GHR: variants seen among roughly 807,000 people sequenced by gnomAD.
The protein encoded by GHR is GH receptor.
In GHR, 35 loss-of-function variants were observed where a neutral mutation model predicts 67.1. The observed-to-expected ratio is 0.52, with a 90% CI of 0.40 to 0.69. The LOEUF (loss-of-function observed/expected upper bound fraction) is 0.69, where lower values mean the gene tolerates loss of function less well. Among genes scored for constraint, GHR ranks in the 30% least tolerant of loss-of-function variants. The pLI, the probability that GHR is intolerant of heterozygous loss-of-function variation, is 0.00. For missense variants in GHR, 792 were observed against 764.6 expected, an observed-to-expected ratio of 1.04 and a Z score of -0.42; for synonymous variants, 272 against 269.1, an observed-to-expected ratio of 1.01 and a Z score of -0.10.
chr5:42,602,904 A>G (rs1386373097), intron 2 of GHR, among the ~76,000 whole-genome samples: 1 of 152,150 alleles, frequency 6.6e-6, no homozygotes, highest in Non-Finnish European at 1.5e-5. Flanking sequence ...TAGTAGAATG[A>G]ACATATTTAC....
chr5:42,534,278 G>A (rs1342770751), intron 1 of GHR, among the ~76,000 whole-genome samples: 1 of 138,694 alleles, frequency 7.2e-6, no homozygotes, highest in Non-Finnish European at 1.5e-5. Flanking sequence ...GTGTATATAT[G>A]TATATATGTA....
chr5:42,582,977 G>A (rs1751268600), intron 2 of GHR, among the ~76,000 whole-genome samples: 1 of 152,218 alleles, frequency 6.6e-6, no homozygotes, highest in South Asian at 2.1e-4. Context: ...CTTGCCCTTG[G>A]CAGGCATGGG....
At chr5:42,438,058 C>T (rs746674057) in intron 1 of GHR, among the ~76,000 whole-genome samples, 18 of 152,250 alleles carry the variant, frequency 1.2e-4, no homozygotes, top group Non-Finnish European at 1.9e-4. Flanking sequence ...TCTTAGAAGG[C>T]AAAGGGCTAT....
chr5:42,478,269 C>T (rs1382613487), intron 1 of GHR, among the ~76,000 whole-genome samples: 1 of 152,146 alleles, frequency 6.6e-6, no homozygotes, highest in Non-Finnish European at 1.5e-5. Context: ...CAGTACCATG[C>T]TGTTTTGGTT....
At chr5:42,508,274 A>G (rs1203847543) in intron 1 of GHR, among the ~76,000 whole-genome samples, 1 of 152,226 alleles carries the variant, frequency 6.6e-6, no homozygotes, top group South Asian at 2.1e-4. Flanking sequence ...TTTCCCAAGG[A>G]AAATAAAATA....
intron 1 of GHR, among the ~76,000 whole-genome samples, chr5:42,538,973 G>T: frequency 6.6e-6 from 1 of 152,052 alleles, no homozygotes; most frequent in East Asian, 1.9e-4. Flanking sequence ...TTATTGCTGA[G>T]ACTTTCCAGA....
At chr5:42,471,870 C>G (rs565222427) in intron 1 of GHR, among the ~76,000 whole-genome samples, 2 of 152,200 alleles carry the variant, frequency 1.3e-5, no homozygotes, top group Non-Finnish European at 2.9e-5. Context: ...AGAACTATAG[C>G]TCTTAAGGGT....
chr5:42,575,553 G>T (rs1363176681), intron 2 of GHR, among the ~76,000 whole-genome samples: 1 of 151,912 alleles, frequency 6.6e-6, no homozygotes, highest in Non-Finnish European at 1.5e-5. Context: ...ATTTTGAGTT[G>T]TCCAGATTAT....
At chr5:42,677,577 G>A (rs1269943471) in intron 3 of GHR, among the ~76,000 whole-genome samples, 1 of 152,114 alleles carries the variant, frequency 6.6e-6, no homozygotes, top group Non-Finnish European at 1.5e-5. Flanking sequence ...TGAACAGTGA[G>A]GGAAATAGCT....
chr5:42,549,440 A>G (rs1362398048), intron 1 of GHR: 3 of 152,322 alleles, frequency 2.0e-5, no homozygotes, highest in African/African-American at 7.2e-5. Context: ...ATAGTGCTGT[A>G]ATAAGGGTTT....
At chr5:42,481,201 T>G (rs946821639) in intron 1 of GHR, among the ~76,000 whole-genome samples, 4 of 151,766 alleles carry the variant, frequency 2.6e-5, no homozygotes, top group African/African-American at 9.7e-5. Flanking sequence ...TCTTTAAGAA[T>G]GTTGAATATT....
intron 1 of GHR, among the ~76,000 whole-genome samples, chr5:42,489,663 T>C (rs1746029311): frequency 2.0e-5 from 3 of 152,216 alleles, no homozygotes; most frequent in African/African-American, 7.2e-5. Context: ...TTCTATCATG[T>C]AGAGGGTTGC....
chr5:42,720,755 A>C lies in GHR; in HGVS notation c.*1331A>C, dbSNP rs1758980326. ...CTAAAAGAAACTTTCTTTCTCACTA[A>C]ATCTTTTATAGGATTTATTTAAAAT... On this transcript the variant is annotated 3_prime_UTR_variant, in exon 10 of 10. Coordinates refer to ENST00000230882, the MANE Select transcript of GHR (RefSeq NM_000163.5). 1 of 152,180 alleles carries C rather than the reference A, an allele frequency of 6.6e-6. No homozygotes were observed. The highest frequency in any genetic ancestry group is 2.1e-4 in the South Asian group (1 of 4,820). 9.4% of individuals were successfully genotyped at this position (152,180 alleles called of 1,614,324 possible). A position where few individuals can be genotyped will look rare whatever the true frequency, so the allele number is the denominator to read the frequency against.
At chr5:42,706,667 T>A (rs772899965) in intron 6 of GHR, among the ~76,000 whole-genome samples, 8 of 152,174 alleles carry the variant, frequency 5.3e-5, no homozygotes, top group Non-Finnish European at 7.4e-5. Flanking sequence ...CCTGTTTTTG[T>A]CAACTTTGTC....
chr5:42,676,097 C>T (rs1488302797), intron 3 of GHR, among the ~76,000 whole-genome samples: 4 of 152,016 alleles, frequency 2.6e-5, no homozygotes, highest in Non-Finnish European at 5.9e-5. Context: ...CCCTCCTGGC[C>T]AAAATGGTGA....
chr5:42,550,049 T>A, intron 1 of GHR: 1 of 947,974 alleles, frequency 1.1e-6, no homozygotes, highest in Non-Finnish European at 1.3e-6. Flanking sequence ...CCGCACTTGT[T>A]ATGATTTGTT....
intron 3 of GHR, among the ~76,000 whole-genome samples, chr5:42,634,747 C>T (rs1754093184): frequency 6.6e-6 from 1 of 152,130 alleles, no homozygotes; most frequent in African/African-American, 2.4e-5. Flanking sequence ...TCCTTCAGGT[C>T]AGGGACCTAG....
At position 42,615,632 on chromosome 5, in the gene GHR, G is replaced by A. The variant is rs144487573; in HGVS notation, c.71-13406G>A. 4.6e-3 allele frequency among the ~76,000 whole-genome samples: 700 copies of A among 151,766 alleles called. 4 individuals are homozygous for A. Among genetic ancestry groups the A allele is most frequent in the African/African-American group, 0.016 (673 of 41,348 alleles). ...GTATCATCCCCTTACCTTTATGTAT[G>A]TGTCTGGTTGTGAATAGTCAGCACA... On this transcript the variant is annotated intron_variant, in intron 2 of 9. Coordinates refer to ENST00000230882, the MANE Select transcript of GHR (RefSeq NM_000163.5).
At chr5:42,526,193 A>T (rs774615198) in intron 1 of GHR, among the ~76,000 whole-genome samples, 10 of 152,206 alleles carry the variant, frequency 6.6e-5, no homozygotes, top group Admixed American at 1.3e-4. Context: ...ATTAAAAAAA[A>T]AAAAGTGACA....
Sources: allele counts gnomAD v4.1 joint callset (sites outside exome capture counted in the v4.1 genomes callset), GRCh38; gene constraint gnomAD v4.1.1; transcripts MANE v1.5; gene names NCBI Gene and HGNC (gene_info 2026-07-23, HGNC 2026-07-21).